The following GNG10 variants were observed in gnomAD, a reference collection of about 807,000 sequenced individuals.
GNG10 encodes the protein G protein subunit gamma 10.
GNG10 carries 7 observed loss-of-function variants against 6.8 expected under a neutral mutation model. The ratio of observed to expected loss-of-function variants is 1.02; its 90% CI spans 0.58 to 1.92. The LOEUF is 1.92. Ranked by LOEUF, GNG10 falls within the 30% of genes most tolerant of loss-of-function variation. The pLI, the probability that GNG10 is intolerant of heterozygous loss-of-function variation, is 0.00. For synonymous variants in GNG10, 28 were observed against 34.8 expected (o/e 0.80, Z 0.69); for missense variants, 57 against 86.1 (o/e 0.66, Z 1.34).
In GNG10 at chr9:111,669,524, C is replaced by G. The variant is rs1244367002; in HGVS notation, c.*262C>G. 6.6e-6 allele frequency: 1 copy of G among 150,542 alleles called. No homozygotes were observed. The highest frequency in any genetic ancestry group is 1.5e-5 in the Non-Finnish European group (1 of 67,828). The allele number at this position is 150,542 out of a possible 1,614,324, so 9.3% of individuals were successfully genotyped here. A position where few individuals can be genotyped will look rare whatever the true frequency, so the allele number is the denominator to read the frequency against. ...CTTTTATACATAAGATAAACAAAAACCTTACCACCAAACATACCAAAATGC... is the reference window on the plus strand; with the variant it reads ...CTTTTATACATAAGATAAACAAAAAGCTTACCACCAAACATACCAAAATGC... On this transcript the variant is annotated 3_prime_UTR_variant, in exon 3 of 3. Transcript: ENST00000374293.
rs919254617 is a variant in GNG10 at position 111,669,439 on chromosome 9, A to C, written c.*177A>C. ...TCATGAGTTTCTACTTGAGTGAGAA[A>C]ACTGGGTGAAGGAATAGAATTTTAA... On this transcript the variant is annotated 3_prime_UTR_variant, in exon 3 of 3. Coordinates refer to ENST00000374293, the MANE Select transcript of GNG10 (RefSeq NM_001017998.4). The C allele has an allele frequency of 6.6e-6, 1 of 151,980 alleles. No homozygotes were observed. The highest frequency in any genetic ancestry group is 6.6e-5 in the Admixed American group (1 of 15,234). 9.4% of individuals were successfully genotyped at this position (151,980 alleles called of 1,614,324 possible). A position where few individuals can be genotyped will look rare whatever the true frequency, so the allele number is the denominator to read the frequency against.
rs1394644858 is a variant in GNG10 at position 111,661,726 on chromosome 9, C to T, written c.81+11C>T. Reference sequence around the variant, plus strand: ...GTGGAGAGGATCAAGGTGCGGGCCCCGGGTACCCACGCTCCGGTCCTTCCG... The same window carrying T: ...GTGGAGAGGATCAAGGTGCGGGCCCTGGGTACCCACGCTCCGGTCCTTCCG... On this transcript the variant is annotated intron_variant, in intron 1 of 2. Coordinates refer to ENST00000374293, the MANE Select transcript of GNG10 (RefSeq NM_001017998.4). The surrounding 1 kb of genome is among the most constrained non-coding windows in gnomAD (Gnocchi z 6.1). 3.8e-6 allele frequency: 5 copies of T among 1,323,748 alleles called. No individual in the cohort carries two copies. The highest frequency in any genetic ancestry group is 4.9e-6 in the Non-Finnish European group (5 of 1,013,298). The allele number at this position is 1,323,748 out of a possible 1,614,324, so 82.0% of individuals were successfully genotyped here. A position where few individuals can be genotyped will look rare whatever the true frequency, so the allele number is the denominator to read the frequency against.
chr9:111,664,036 T>A (rs1830864293), intron 1 of GNG10, among the ~76,000 whole-genome samples: 1 of 150,140 alleles, frequency 6.7e-6, no homozygotes, highest in African/African-American at 2.5e-5. Context: ...AGTTTCACCA[T>A]ATTGGCCAGG....
chr9:111,661,852 G>A lies in GNG10; in HGVS notation c.81+137G>A. 3.0e-6 allele frequency: 1 copy of A among 336,400 alleles called. No homozygotes were observed. Among genetic ancestry groups the A allele is most frequent in the South Asian group, 1.2e-4 (1 of 8,434 alleles). The allele number at this position is 336,400 out of a possible 1,614,324, so 20.8% of individuals were successfully genotyped here. A position where few individuals can be genotyped will look rare whatever the true frequency, so the allele number is the denominator to read the frequency against. ...CTCGGCGGGGCGCGGGGGCGGTGGG[G>A]TCCGCGGTGAGGGAGGGCGCGGGGC... On this transcript the variant is annotated intron_variant, in intron 1 of 2. Coordinates refer to ENST00000374293, the MANE Select transcript of GNG10 (RefSeq NM_001017998.4). The surrounding 1 kb of genome is among the most constrained non-coding windows in gnomAD (Gnocchi z 6.1).
chr9:111,664,720 C>A (rs1004896747), intron 1 of GNG10, among the ~76,000 whole-genome samples: 1 of 152,108 alleles, frequency 6.6e-6, no homozygotes, highest in African/African-American at 2.4e-5. Context: ...ATTTTCTCTG[C>A]GTATCCCCTT....
At chr9:111,667,689 G>A (rs1589357682) in intron 2 of GNG10, among the ~76,000 whole-genome samples, 3 of 152,116 alleles carry the variant, frequency 2.0e-5, no homozygotes, top group Admixed American at 2.0e-4. Context: ...CTTTCCCAAT[G>A]GTTTTCAGAA....
At chr9:111,669,043 G>A (rs1308047640) in intron 2 of GNG10, among the ~76,000 whole-genome samples, 1 of 151,758 alleles carries the variant, frequency 6.6e-6, no homozygotes, top group Non-Finnish European at 1.5e-5. Flanking sequence ...ATTTTTAGTA[G>A]AGGCAGGGTT....
chr9:111,662,083 A>G (rs1044689519), intron 1 of GNG10, among the ~76,000 whole-genome samples: 1 of 151,854 alleles, frequency 6.6e-6, no homozygotes, highest in African/African-American at 2.4e-5. Flanking sequence ...TTGGTGATGG[A>G]TTGGTAGGAT....
chr9:111,669,835 A>AT lies in GNG10; in HGVS notation c.*578dup, dbSNP rs1288426002. 7.9e-6 allele frequency: 1 copy of AT among 126,840 alleles called. No homozygotes were observed. The highest frequency in any genetic ancestry group is 1.6e-5 in the Non-Finnish European group (1 of 62,242). The allele number at this position is 126,840 out of a possible 1,614,324, so 7.9% of individuals were successfully genotyped here. A position where few individuals can be genotyped will look rare whatever the true frequency, so the allele number is the denominator to read the frequency against. On this transcript the variant is annotated 3_prime_UTR_variant, in exon 3 of 3. Transcript: ENST00000374293. Reference sequence around the variant, plus strand: ...TTTTTCTAAATGGGAAGATTGCTTTATTTTTAACACTAATTATGGGAGCAG... The same window carrying AT: ...TTTTTCTAAATGGGAAGATTGCTTTATTTTTTAACACTAATTATGGGAGCAG...
At chr9:111,664,058 C>T (rs995308038) in intron 1 of GNG10, among the ~76,000 whole-genome samples, 1 of 149,552 alleles carries the variant, frequency 6.7e-6, no homozygotes, top group Admixed American at 6.7e-5. Flanking sequence ...TGGTATCGAT[C>T]TCCTGACCTC....
intron 2 of GNG10, 123 bp from the exon 3 acceptor site, chr9:111,669,146 A>T (rs1177838342): frequency 6.6e-6 from 1 of 152,268 alleles, no homozygotes; most frequent in Non-Finnish European, 1.5e-5. Context: ...GGCGTGAGCC[A>T]CCGCGCCTAG....
intron 2 of GNG10, among the ~76,000 whole-genome samples, chr9:111,668,212 A>G (rs927273223): frequency 8.5e-5 from 13 of 152,164 alleles, no homozygotes; most frequent in Non-Finnish European, 1.9e-4. Context: ...TGGGACCAAC[A>G]TATTTCAAAT....
chr9:111,661,690 TG>T lies in GNG10; in HGVS notation c.58del (p.Glu20ArgfsTer58). The T allele has an allele frequency of 1.4e-6, 2 of 1,383,544 alleles. No homozygotes were observed. Among genetic ancestry groups the T allele is most frequent in the Admixed American group, 2.4e-5 (1 of 42,420 alleles). The allele number at this position is 1,383,544 out of a possible 1,614,324, so 85.7% of individuals were successfully genotyped here. A position where few individuals can be genotyped will look rare whatever the true frequency, so the allele number is the denominator to read the frequency against. On this transcript the variant is annotated frameshift_variant, in exon 1 of 3. Coordinates refer to ENST00000374293, the MANE Select transcript of GNG10 (RefSeq NM_001017998.4). LOFTEE classifies it high-confidence loss of function. This position sits in a 1 kb window ranked among gnomAD's most constrained non-coding sequence, Gnocchi z 6.1. Reference sequence around the variant, plus strand: ...CAGCGCTTGGTAGAGCAGCTCAAGTTGGAGGCTGGCGTGGAGAGGATCAAGG... The same window carrying T: ...CAGCGCTTGGTAGAGCAGCTCAAGTTGAGGCTGGCGTGGAGAGGATCAAGG... ...ALQRLVEQLK[L>X]EAGVERIKVS...
Position 111,661,804 on chromosome 9 carries a change from G to A in GNG10, c.81+89G>A, listed in dbSNP as rs1416687416. 2 of 729,674 alleles carry A rather than the reference G, an allele frequency of 2.7e-6. No individual in the cohort carries two copies. Among genetic ancestry groups the A allele is most frequent in the Non-Finnish European group, 3.6e-6 (2 of 548,758 alleles). 45.2% of individuals were successfully genotyped at this position (729,674 alleles called of 1,614,324 possible). On this transcript the variant is annotated intron_variant, in intron 1 of 2. Coordinates refer to ENST00000374293, the MANE Select transcript of GNG10 (RefSeq NM_001017998.4). The surrounding 1 kb of genome is among the most constrained non-coding windows in gnomAD (Gnocchi z 6.1). Reference sequence around the variant, plus strand: ...GCGGCCCGGACCGGGCGCCAGCGGGGGACTCGGTGGCGGCGGCGAGGCCTC... The same window carrying A: ...GCGGCCCGGACCGGGCGCCAGCGGGAGACTCGGTGGCGGCGGCGAGGCCTC...
chr9:111,664,130 T>C (rs950521425), intron 1 of GNG10, among the ~76,000 whole-genome samples: 1 of 152,094 alleles, frequency 6.6e-6, no homozygotes, highest in Admixed American at 6.5e-5. Context: ...CCATGGCACC[T>C]GGCCGGAAAG....
In GNG10 at chr9:111,661,757, G is replaced by C. The variant is rs1225247062; in HGVS notation, c.81+42G>C. 9.1e-6 allele frequency: 11 copies of C among 1,210,426 alleles called. No homozygotes were observed. The highest frequency in any genetic ancestry group is 1.6e-5 in the African/African-American group (1 of 62,720). The allele number at this position is 1,210,426 out of a possible 1,614,324, so 75.0% of individuals were successfully genotyped here. A position where few individuals can be genotyped will look rare whatever the true frequency, so the allele number is the denominator to read the frequency against. ...CCCACGCTCCGGTCCTTCCGCCCGC[G>C]GGGCGTGAGAAGAGGAGGCCGGCGG... On this transcript the variant is annotated intron_variant, in intron 1 of 2. Coordinates refer to ENST00000374293, the MANE Select transcript of GNG10 (RefSeq NM_001017998.4). The surrounding 1 kb of genome is among the most constrained non-coding windows in gnomAD (Gnocchi z 6.1).
intron 1 of GNG10, among the ~76,000 whole-genome samples, chr9:111,665,338 A>T (rs1294415550): frequency 6.6e-6 from 1 of 152,204 alleles, no homozygotes; most frequent in Non-Finnish European, 1.5e-5. Flanking sequence ...TGCCTGACAA[A>T]CCACCCCAAA....
intron 1 of GNG10, among the ~76,000 whole-genome samples, chr9:111,662,556 A>G (rs1011328270): frequency 6.6e-6 from 1 of 152,276 alleles, no homozygotes; most frequent in African/African-American, 2.4e-5. Context: ...CGTCTGTTGT[A>G]GAGCTGTGTT....
Position 111,670,117 on chromosome 9 carries a change from C to T in GNG10, c.*855C>T, listed in dbSNP as rs569053400. The T allele has an allele frequency of 6.5e-6, 1 of 152,754 alleles. No individual in the cohort carries two copies. The highest frequency in any genetic ancestry group is 6.5e-5 in the Admixed American group (1 of 15,310). The allele number at this position is 152,754 out of a possible 1,614,324, so 9.5% of individuals were successfully genotyped here. On this transcript the variant is annotated 3_prime_UTR_variant, in exon 3 of 3. Coordinates refer to ENST00000374293, the MANE Select transcript of GNG10 (RefSeq NM_001017998.4). The stretch of plus-strand genomic sequence containing the variant: ...AATTCTTAACTTCACAAGTGTTTTA[C>T]TTCGACGATGTGCCTTTGATTTAAT...
Sources: gnomAD v4.1 joint callset for allele counts (sites outside exome capture counted in the v4.1 genomes callset) on GRCh38, gnomAD v4.1.1 for gene constraint, Gnocchi (gnomAD v3.1) non-coding constraint, MANE v1.5 for transcripts, NCBI Gene and HGNC (gene_info 2026-07-23, HGNC 2026-07-21) for gene names.